LPAR1: variants seen among roughly 807,000 people sequenced by gnomAD.
LPAR1 encodes lysophosphatidic acid receptor 1, also known as LPA receptor 1.
Under a neutral mutation model 23.8 loss-of-function variants are expected in LPAR1, and 5 were observed. The observed-to-expected ratio is 0.21, with a 90% CI of 0.11 to 0.44. The LOEUF is 0.44. Among genes scored for constraint, LPAR1 ranks in the 20% least tolerant of loss-of-function variants. The probability of loss-of-function intolerance (pLI) is 0.99; values close to 1 mark genes in which losing one functional copy is unlikely to be tolerated. For synonymous variants in LPAR1, 160 were observed against 164.7 expected (o/e 0.97, Z 0.22); for missense variants, 311 against 482.8 (o/e 0.64, Z 3.33).
Position 111,038,258 on chromosome 9 carries a change from C to G in LPAR1, c.-353G>C, listed in dbSNP as rs2097935787. The G allele has an allele frequency of 6.7e-6, 1 of 148,466 alleles. No homozygotes were observed. The highest frequency in any genetic ancestry group is 6.7e-5 in the Admixed American group (1 of 14,950). 9.2% of individuals were successfully genotyped at this position (148,466 alleles called of 1,614,324 possible). ...GTCCCGGCGGCCCCCGCCCCACCGC[C>G]AGCCGAGCCCGGCCCTCCGCCCGCC... is the stretch of plus-strand genomic sequence containing the variant. On this transcript the variant is annotated 5_prime_UTR_variant, in exon 1 of 6. Transcript: ENST00000683809. This position sits in a 1 kb window ranked among gnomAD's most constrained non-coding sequence, Gnocchi z 4.4.
chr9:110,942,867 A>T (rs1410222355), intron 4 of LPAR1, among the ~76,000 whole-genome samples: 3 of 152,146 alleles, frequency 2.0e-5, no homozygotes, highest in African/African-American at 7.2e-5. Flanking sequence ...ACCTCCAAAG[A>T]GTAGGTGACC....
chr9:111,026,302 G>C (rs1340845129), intron 2 of LPAR1, among the ~76,000 whole-genome samples: 1 of 152,142 alleles, frequency 6.6e-6, no homozygotes, highest in Non-Finnish European at 1.5e-5. Context: ...GTGAATGGGA[G>C]TTCATTTATG....
intron 2 of LPAR1, among the ~76,000 whole-genome samples, chr9:111,016,224 C>T (rs1250331314): frequency 1.3e-5 from 2 of 152,156 alleles, no homozygotes; most frequent in African/African-American, 4.8e-5. Flanking sequence ...CTTACACATA[C>T]ATCATTACAC....
At chr9:110,984,824 T>G (rs1217429921) in intron 2 of LPAR1, among the ~76,000 whole-genome samples, 2 of 148,154 alleles carry the variant, frequency 1.3e-5, no homozygotes. Flanking sequence ...AGCTATACAG[T>G]TGAAATACGT....
chr9:110,969,950 T>A (rs1315870367), intron 4 of LPAR1, among the ~76,000 whole-genome samples: 1 of 152,178 alleles, frequency 6.6e-6, no homozygotes, highest in East Asian at 1.9e-4. Flanking sequence ...AAGTGTATAA[T>A]TTTAATAGAT....
At chr9:110,987,846 A>G (rs1240866456) in intron 2 of LPAR1, among the ~76,000 whole-genome samples, 1 of 152,084 alleles carries the variant, frequency 6.6e-6, no homozygotes, top group Non-Finnish European at 1.5e-5. Flanking sequence ...AGGGAGAGTG[A>G]AAAAACAAGG....
In LPAR1 at chr9:110,892,298, G is replaced by A. The variant is rs140258461; in HGVS notation, c.794-16576C>T. 2.0e-5 allele frequency among the ~76,000 whole-genome samples: 3 copies of A among 152,240 alleles called. No individual in the cohort carries two copies. In the East Asian group the frequency reaches 5.8e-4, roughly 29 times the overall value. The stretch of plus-strand genomic sequence containing the variant: ...GAGAATGACAGAGAGAGAGAATGAG[G>A]AAGAGGTTGACCAACACTAGAAAGG... On this transcript the variant is annotated intron_variant, in intron 5 of 5. Coordinates refer to ENST00000683809, the MANE Select transcript of LPAR1 (RefSeq NM_001351411.2).
intron 2 of LPAR1, among the ~76,000 whole-genome samples, chr9:111,005,546 C>CAAAAAAAA (rs60143050): frequency 4.1e-4 from 29 of 70,342 alleles, no homozygotes; most frequent in African/African-American, 1.7e-3. Flanking sequence ...GACCCTGTCT[C>CAAAAAAAA]AAAAAAAAAA....
chr9:110,884,536 T>TA lies in LPAR1; in HGVS notation c.794-8815dup, dbSNP rs533603347. Among the ~76,000 whole-genome samples, 48 of 152,102 alleles carry TA rather than the reference T, an allele frequency of 3.2e-4. No individual in the cohort carries two copies. In the South Asian group the frequency reaches 3.9e-3, roughly 13 times the overall value. Reference sequence around the variant, plus strand: ...GCTCTATAAACATTTGTTGAATGAATAAAAAAAATAAGTGAAAGAAAGAAC... The same window carrying TA: ...GCTCTATAAACATTTGTTGAATGAATAAAAAAAAATAAGTGAAAGAAAGAAC... On this transcript the variant is annotated intron_variant, in intron 5 of 5. Coordinates refer to ENST00000683809, the MANE Select transcript of LPAR1 (RefSeq NM_001351411.2).
At chr9:111,011,962 A>C (rs1454885347) in intron 2 of LPAR1, among the ~76,000 whole-genome samples, 2 of 152,204 alleles carry the variant, frequency 1.3e-5, no homozygotes, top group Non-Finnish European at 2.9e-5. Context: ...AAAAATGCAG[A>C]GTCTCAGCTA....
intron 2 of LPAR1, among the ~76,000 whole-genome samples, chr9:110,976,266 G>A (rs933257125): frequency 2.6e-5 from 4 of 151,360 alleles, no homozygotes; most frequent in Non-Finnish European, 5.9e-5. Flanking sequence ...GCCGATGTGG[G>A]TGGATCATGA....
At chr9:110,898,577 C>A (rs912804747) in intron 5 of LPAR1, among the ~76,000 whole-genome samples, 2 of 152,136 alleles carry the variant, frequency 1.3e-5, no homozygotes, top group Non-Finnish European at 2.9e-5. Flanking sequence ...CAAGGGTCAT[C>A]GGGTTTACAG....
At chr9:110,968,890 T>C (rs1415620632) in intron 4 of LPAR1, among the ~76,000 whole-genome samples, 1 of 152,102 alleles carries the variant, frequency 6.6e-6, no homozygotes, top group Non-Finnish European at 1.5e-5. Context: ...CCCTATCAGG[T>C]TGGCTTCATT....
chr9:110,952,150 G>A (rs542116741), intron 4 of LPAR1, among the ~76,000 whole-genome samples: 51 of 152,284 alleles, frequency 3.3e-4, no homozygotes, highest in African/African-American at 1.2e-3. Flanking sequence ...AAACACCTAA[G>A]GCAAGGAAGA....
intron 5 of LPAR1, among the ~76,000 whole-genome samples, chr9:110,896,937 G>T (rs1248386567): frequency 6.6e-6 from 1 of 151,870 alleles, no homozygotes; most frequent in East Asian, 1.9e-4. Context: ...ACAGGCGCCT[G>T]CCACCACGCC....
chr9:110,964,272 GATCTA>G (rs1259439498), intron 4 of LPAR1, among the ~76,000 whole-genome samples: 1 of 149,064 alleles, frequency 6.7e-6, no homozygotes, highest in African/African-American at 2.4e-5. Flanking sequence ...AGAGTAAACT[GATCTA>G]ATCAATGTTT....
At chr9:110,978,129 A>G (rs907116773) in intron 2 of LPAR1, among the ~76,000 whole-genome samples, 3 of 152,198 alleles carry the variant, frequency 2.0e-5, no homozygotes, top group Non-Finnish European at 4.4e-5. Context: ...TTTCTAGCTC[A>G]TGTTCTTAAA....
At chr9:110,980,684 T>G (rs141614346) in intron 2 of LPAR1, among the ~76,000 whole-genome samples, 13 of 151,908 alleles carry the variant, frequency 8.6e-5, no homozygotes, top group African/African-American at 4.8e-5. Context: ...TATACCTAGA[T>G]AGCAAAAATA....
chr9:110,903,805 T>C lies in LPAR1; in HGVS notation c.794-28083A>G, dbSNP rs1247296419. Among the ~76,000 whole-genome samples the C allele has an allele frequency of 2.1e-5, 3 of 142,118 alleles. No individual in the cohort carries two copies. The East Asian group carries it at 6.3e-4, about 30-fold the overall frequency. 93.2% of individuals were successfully genotyped at this position (142,118 alleles called of 152,430 possible). On this transcript the variant is annotated intron_variant, in intron 5 of 5. Coordinates refer to ENST00000683809, the MANE Select transcript of LPAR1 (RefSeq NM_001351411.2). ...TATAAATCTACAGATTCATAAGCTG[T>C]ATAAATCTCAAACAGGATAAACCCA...
Sources: gnomAD v4.1 joint callset for allele counts (sites outside exome capture counted in the v4.1 genomes callset) on GRCh38, gnomAD v4.1.1 for gene constraint, Gnocchi (gnomAD v3.1) non-coding constraint, MANE v1.5 for transcripts, NCBI Gene and HGNC (gene_info 2026-07-23, HGNC 2026-07-21) for gene names.